Variants in BTBD3 observed in about 807,000 individuals in gnomAD.
BTBD3 encodes the protein BTB domain containing 3.
A neutral mutation model predicts 41.6 loss-of-function variants in BTBD3; 14 were observed. The observed-to-expected ratio is 0.34, with a 90% confidence interval of 0.22 to 0.53. The LOEUF is 0.53. Among genes scored for constraint, BTBD3 ranks in the 20% least tolerant of loss-of-function variants. The probability of loss-of-function intolerance (pLI) is 0.95; values close to 1 mark genes in which losing one functional copy is unlikely to be tolerated. For missense variants in BTBD3, 426 were observed against 654.7 expected, an observed-to-expected ratio of 0.65 and a Z score of 3.81; for synonymous variants, 249 against 233.7, an observed-to-expected ratio of 1.07 and a Z score of -0.60.
intron 3 of BTBD3, among the ~76,000 whole-genome samples, chr20:11,921,191 G>A (rs1162459120): frequency 1.3e-5 from 2 of 152,168 alleles, no homozygotes; most frequent in African/African-American, 4.8e-5. Flanking sequence ...GTAGGATGTT[G>A]TATCATTCCT....
intron 3 of BTBD3, among the ~76,000 whole-genome samples, 153 bp from the exon 4 acceptor site, chr20:11,922,481 T>C (rs1019515824): frequency 9.2e-5 from 14 of 152,346 alleles, no homozygotes; most frequent in Admixed American, 2.0e-4. Flanking sequence ...TTTATTAATA[T>C]GTTTCGAATG....
At position 11,922,619 on chromosome 20, in the gene BTBD3, A is replaced by T; in HGVS notation, c.537-15A>T. 6.3e-7 allele frequency: 1 copy of T among 1,588,954 alleles called. No homozygotes were observed. The highest frequency in any genetic ancestry group is 1.1e-5 in the South Asian group (1 of 87,424). ...TTTGTGAAAATTCCACTTACATGTT[A>T]TGTGCTTTTTACAGATATATCTATT... On this transcript the variant is annotated splice_polypyrimidine_tract_variant and intron_variant, in intron 3 of 3. Transcript: ENST00000378226.
intron 1 of BTBD3, among the ~76,000 whole-genome samples, chr20:11,901,016 C>T (rs1410818438): frequency 6.6e-6 from 1 of 152,096 alleles, no homozygotes; most frequent in Non-Finnish European, 1.5e-5. Flanking sequence ...CGGCCAAAGT[C>T]CATCTACAAA....
chr20:11,918,542 TAAC>T lies in BTBD3; in HGVS notation c.274_276del (p.Asn92del). The T allele has an allele frequency of 1.2e-6, 2 of 1,614,006 alleles. No homozygotes were observed. Among genetic ancestry groups the T allele is most frequent in the Non-Finnish European group, 1.7e-6 (2 of 1,179,962 alleles). On this transcript the variant is annotated inframe_deletion, in exon 1 of 4. Transcript: ENST00000378226. ...AGCAGTACCACCAGCAGAATCTCAG[TAAC>T]AACAACCTTATCCCGGCCCCAAACT...
At chr20:11,891,065 C>A (rs2056748562) in intron 1 of BTBD3, 2 of 753,036 alleles carry the variant, frequency 2.7e-6, no homozygotes, top group African/African-American at 1.9e-5. Context: ...CCGAGCGAAG[C>A]GAGGAGAGGC....
At chr20:11,897,532 T>C (rs1199419831) in intron 1 of BTBD3, among the ~76,000 whole-genome samples, 1 of 151,136 alleles carries the variant, frequency 6.6e-6, no homozygotes, top group Non-Finnish European at 1.5e-5. Flanking sequence ...CTCCTGACTC[T>C]TCTCTTTCTC....
rs779772020 is a variant in BTBD3 at position 11,922,983 on chromosome 20, G to T, written c.886G>T (p.Glu296Ter). 2 of 1,614,238 alleles carry T rather than the reference G, an allele frequency of 1.2e-6. No individual in the cohort carries two copies. The highest frequency in any genetic ancestry group is 2.2e-5 in the South Asian group (2 of 91,088). ...GGCAGCTCTCAACTGGGCTGAAGTA[G>T]AATGCCAACGACAAGATCTGGCGTT... ...FEAALNWAEV[E>*]CQRQDLALSI... The change falls in exon 4 of 4, where the codon GAA becomes TAA. Residue 296 changes from glutamate (E) to a stop codon, truncating the protein, a stop_gained. Coordinates refer to ENST00000378226, the MANE Select transcript of BTBD3 (RefSeq NM_014962.4). LOFTEE classifies it high-confidence loss of function.
chr20:11,902,409 T>C (rs1449604095), intron 1 of BTBD3, among the ~76,000 whole-genome samples: 1 of 152,176 alleles, frequency 6.6e-6, no homozygotes, highest in Non-Finnish European at 1.5e-5. Context: ...TTGTAGTGTC[T>C]TTTCTATGCT....
chr20:11,918,381 A>T lies in BTBD3; in HGVS notation c.106A>T (p.Ser36Cys), dbSNP rs1242779441. 1.2e-6 allele frequency: 2 copies of T among 1,614,174 alleles called. No individual in the cohort carries two copies. The highest frequency in any genetic ancestry group is 1.7e-6 in the Non-Finnish European group (2 of 1,179,998). ...GAAAAGCTCAAAGAAAGCAAATACC[A>T]GCAGCAGCAGTAGCAACAGCAGCAA... ...SKKSSKKANT[S>C]SSSSNSSKLP... Residue 36 changes from serine to cysteine, a missense_variant, in exon 1 of 4, where the codon AGC (serine) becomes TGC (cysteine). Physicochemically the swap from Ser to Cys is moderately radical, Grantham distance 112. Coordinates refer to ENST00000378226, the MANE Select transcript of BTBD3 (RefSeq NM_014962.4).
intron 1 of BTBD3, among the ~76,000 whole-genome samples, chr20:11,891,944 A>G (rs2056757137): frequency 6.6e-6 from 1 of 152,174 alleles, no homozygotes; most frequent in Non-Finnish European, 1.5e-5. Context: ...TTAAAGCCCA[A>G]TCGCACACCA....
chr20:11,919,024 T>C (rs779800413), intron 1 of BTBD3, 62 bp from the exon 2 acceptor site: 81 of 1,267,102 alleles, frequency 6.4e-5, no homozygotes, highest in Non-Finnish European at 8.9e-5. Context: ...GTTTTGTATG[T>C]TGGGGAAGGG....
At chr20:11,890,875 C>T (rs893094677) in exon 1 of BTBD3, 75 of 984,952 alleles carry the variant, frequency 7.6e-5, no homozygotes, top group Non-Finnish European at 8.9e-5. Context: ...TCTCCGAGTG[C>T]CCCGGCCGGG....
upstream of BTBD3, among the ~76,000 whole-genome samples, chr20:11,916,890 GTGTTTT>G (rs1440975808): frequency 6.6e-6 from 1 of 152,092 alleles, no homozygotes; most frequent in African/African-American, 2.4e-5. Flanking sequence ...CCTATTGCCG[GTGTTTT>G]TGTTTTTTTT....
chr20:11,909,303 G>A (rs1340780543), intron 1 of BTBD3: 2 of 150,866 alleles, frequency 1.3e-5, no homozygotes, highest in Non-Finnish European at 3.0e-5. Context: ...AGCATAAAAT[G>A]TATCTTTTAA....
In BTBD3 at chr20:11,890,975, C is replaced by T. The variant is rs538114964; in HGVS notation, c.-126+21C>T. The T allele has an allele frequency of 6.6e-4, 649 of 981,852 alleles. 3 individuals carry two copies. The African/African-American group carries it at 9.4e-3, about 14-fold the overall frequency. The allele number at this position is 981,852 out of a possible 1,614,324, so 60.8% of individuals were successfully genotyped here. A position where few individuals can be genotyped will look rare whatever the true frequency, so the allele number is the denominator to read the frequency against. ...TGGCGGTGAGTGAGGGCGCCGCGGG[C>T]GAGCGGGTCGGCGCCTCCGCGCGTG... On this transcript the variant is annotated intron_variant, in intron 1 of 4. Transcript: ENST00000254977.
At chr20:11,901,925 G>A (rs2122201678) in intron 1 of BTBD3, among the ~76,000 whole-genome samples, 1 of 152,276 alleles carries the variant, frequency 6.6e-6, no homozygotes, top group Admixed American at 6.5e-5. Context: ...CTACTAAAAT[G>A]TACAACCTCT....
intron 1 of BTBD3, among the ~76,000 whole-genome samples, chr20:11,908,856 A>G (rs1057274218): frequency 3.3e-5 from 5 of 152,170 alleles, no homozygotes; most frequent in African/African-American, 1.2e-4. Context: ...TGGTGTTATT[A>G]TATTTAAGGT....
chr20:11,911,029 C>T (rs911114767), intron 1 of BTBD3, among the ~76,000 whole-genome samples: 1 of 152,112 alleles, frequency 6.6e-6, no homozygotes, highest in African/African-American at 2.4e-5. Flanking sequence ...AATTAAGCAA[C>T]CTAAAAAAAA....
intron 1 of BTBD3, chr20:11,891,060 C>G: frequency 1.2e-6 from 1 of 814,078 alleles, no homozygotes; most frequent in South Asian, 5.5e-5. Context: ...AGGGGCCGAG[C>G]GAAGCGAGGA....
Sources: allele counts gnomAD v4.1 joint callset (sites outside exome capture counted in the v4.1 genomes callset), GRCh38; gene constraint gnomAD v4.1.1; transcripts MANE v1.5; gene names NCBI Gene and HGNC (gene_info 2026-07-23, HGNC 2026-07-21).